Variants in DMD observed in about 807,000 individuals in gnomAD.
DMD encodes the protein mutant dystrophin.
In DMD, 63 loss-of-function variants were observed where a neutral mutation model predicts 330.1. The observed-to-expected ratio is 0.19, with a 90% confidence interval of 0.16 to 0.24. The LOEUF is 0.24. Ranked by LOEUF, DMD falls within the 10% of genes least tolerant of loss-of-function variation. The pLI is 1.00. For synonymous variants in DMD, 1,223 were observed against 959.8 expected (o/e 1.27, Z -5.07); for missense variants, 3,344 against 2,684.1 (o/e 1.25, Z -5.43).
At chrX:33,269,635 G>A (rs774799183) in intron 1 of DMD, among the ~76,000 whole-genome samples, 2 of 111,639 alleles carry the variant, frequency 1.8e-5, no homozygotes, top group East Asian at 2.8e-4. Context: ...ATCATTATTC[G>A]CTCACTACAA....
intron 7 of DMD, among the ~76,000 whole-genome samples, chrX:32,731,413 A>C (rs753288368): frequency 8.9e-6 from 1 of 112,379 alleles, no homozygotes; most frequent in African/African-American, 3.2e-5. Context: ...GCCCACCACA[A>C]CTCAAGGAGG....
intron 7 of DMD, among the ~76,000 whole-genome samples, chrX:32,791,774 T>C (rs57061254): frequency 0.046 from 5,147 of 111,916 alleles, 299 homozygotes; most frequent in African/African-American, 0.15. Context: ...ATTTTTTATG[T>C]CCTAGAAGGT....
intron 44 of DMD, among the ~76,000 whole-genome samples, chrX:32,004,549 C>T (rs2095648522): frequency 9.0e-6 from 1 of 111,241 alleles, no homozygotes; most frequent in South Asian, 3.7e-4. Flanking sequence ...ATGTTACCAT[C>T]CTGGGATCAA....
At chrX:32,394,916 C>CAAAAAAACAAAAAAAAAAAAAAAA (rs2098030887) in intron 30 of DMD, among the ~76,000 whole-genome samples, 1 of 39,034 alleles carries the variant, frequency 2.6e-5, no homozygotes, top group African/African-American at 7.9e-5. Context: ...AACAAAAAAA[C>CAAAAAAACAAAAAAAAAAAAAAAA]AAAAAAAAAA....
intron 41 of DMD, among the ~76,000 whole-genome samples, chrX:32,335,397 T>A (rs1028708764): frequency 1.9e-5 from 2 of 104,816 alleles, no homozygotes; most frequent in East Asian, 2.9e-4. Context: ...ATAATACATA[T>A]ATATAACATA....
intron 60 of DMD, among the ~76,000 whole-genome samples, chrX:31,358,161 T>C (rs2058759933): frequency 9.6e-6 from 1 of 104,271 alleles, no homozygotes; most frequent in South Asian, 4.5e-4. Flanking sequence ...GTTTGTAAGC[T>C]CCCCAAATGC....
At chrX:31,734,208 A>G (rs2086704064) in intron 51 of DMD, among the ~76,000 whole-genome samples, 1 of 108,713 alleles carries the variant, frequency 9.2e-6, no homozygotes, top group Admixed American at 9.8e-5. Flanking sequence ...CTGTATATGT[A>G]ATGTTTTATA....
intron 19 of DMD, among the ~76,000 whole-genome samples, chrX:32,497,707 A>C (rs1314124667): frequency 8.9e-6 from 1 of 111,841 alleles, no homozygotes; most frequent in East Asian, 2.8e-4. Context: ...ACTGTTTTAC[A>C]AAAAGGATTA....
chrX:31,940,814 G>A (rs1383188635), intron 45 of DMD, among the ~76,000 whole-genome samples: 1 of 110,848 alleles, frequency 9.0e-6, no homozygotes, highest in East Asian at 2.9e-4. Flanking sequence ...CTTGAGGCAG[G>A]AGTGTAGTAA....
chrX:31,361,156 A>G (rs1434113865), intron 60 of DMD, among the ~76,000 whole-genome samples: 2 of 109,620 alleles, frequency 1.8e-5, no homozygotes, highest in Non-Finnish European at 3.8e-5. Flanking sequence ...GGTGAGTTTG[A>G]CAGACCCATC....
chrX:32,762,251 G>A (rs1272324924), intron 7 of DMD, among the ~76,000 whole-genome samples: 1 of 110,771 alleles, frequency 9.0e-6, no homozygotes, highest in East Asian at 2.9e-4. Context: ...TAAGCAATCA[G>A]GAGAAATGAA....
intron 55 of DMD, among the ~76,000 whole-genome samples, chrX:31,602,172 C>T (rs1347363037): frequency 9.0e-6 from 1 of 111,141 alleles, no homozygotes; most frequent in Non-Finnish European, 1.9e-5. Context: ...AGACGCCACC[C>T]CTTGACCTTC....
At chrX:32,878,879 G>T (rs1458755388) in intron 2 of DMD, among the ~76,000 whole-genome samples, 1 of 108,255 alleles carries the variant, frequency 9.2e-6, no homozygotes, top group Non-Finnish European at 1.9e-5. Context: ...ACAGTGGCAG[G>T]TACCTGTAAT....
intron 63 of DMD, among the ~76,000 whole-genome samples, chrX:31,249,250 GCT>G (rs1478625026): frequency 9.0e-6 from 1 of 111,017 alleles, no homozygotes; most frequent in Non-Finnish European, 1.9e-5. Context: ...AGATATTTAT[GCT>G]CTTTTTTGAG....
At chrX:32,660,602 G>C (rs1257319365) in intron 9 of DMD, among the ~76,000 whole-genome samples, 1 of 111,300 alleles carries the variant, frequency 9.0e-6, no homozygotes, top group Admixed American at 9.6e-5. Flanking sequence ...TCCATAGCAT[G>C]AATGTCTTAT....
At chrX:32,438,172 C>A in intron 29 of DMD, 69 bp downstream of exon 29, 1 of 1,095,419 alleles carries the variant, frequency 9.1e-7, no homozygotes, top group Non-Finnish European at 1.3e-6. Flanking sequence ...CTCATTTTAT[C>A]TGAGAGGCCT....
intron 1 of DMD, chrX:33,085,757 C>G (rs1360241096): frequency 9.0e-6 from 1 of 111,379 alleles, no homozygotes; most frequent in Non-Finnish European, 1.9e-5. Context: ...CATTCAGTAT[C>G]TCTTATCACT....
chrX:31,843,022 G>A (rs1270419450), intron 48 of DMD, among the ~76,000 whole-genome samples: 7 of 111,593 alleles, frequency 6.3e-5, no homozygotes, highest in African/African-American at 2.3e-4. Context: ...GCCTCCAGTT[G>A]CATGCATGTT....
intron 60 of DMD, among the ~76,000 whole-genome samples, chrX:31,440,556 G>A (rs2064868317): frequency 8.9e-6 from 1 of 112,261 alleles, no homozygotes; most frequent in Admixed American, 9.4e-5. Context: ...ACTGATACAA[G>A]TTATGTGACT....
Sources: allele counts gnomAD v4.1 joint callset (sites outside exome capture counted in the v4.1 genomes callset), GRCh38; gene constraint gnomAD v4.1.1; transcripts MANE v1.5; gene names NCBI Gene and HGNC (gene_info 2026-07-23, HGNC 2026-07-21).